The following CELF2 variants were observed in gnomAD, a reference collection of about 807,000 sequenced individuals.
CELF2 encodes CUG triplet repeat RNA-binding protein 2.
In CELF2, 8 loss-of-function variants were observed where a neutral mutation model predicts 62.6. The ratio of observed to expected loss-of-function variants is 0.13; its 90% CI spans 0.07 to 0.23. The LOEUF is 0.23. Among genes scored for constraint, CELF2 ranks in the 10% least tolerant of loss-of-function variants. The pLI is 1.00. For missense variants in CELF2, 333 were observed against 671.0 expected (o/e 0.50, Z 5.56); for synonymous variants, 258 against 250.0 (o/e 1.03, Z -0.30).
At chr10:10,548,790 T>G in the CELF2 span, among the ~76,000 whole-genome samples, 6 of 152,304 alleles carry the variant, frequency 3.9e-5, no homozygotes, top group African/African-American at 1.4e-4. Context: ...AAAAGGATGT[T>G]TAGGGTGAGA....
chr10:10,727,511 T>G, the CELF2 span, among the ~76,000 whole-genome samples: 1 of 152,048 alleles, frequency 6.6e-6, no homozygotes, highest in Non-Finnish European at 1.5e-5. Context: ...GCGCGGTGGC[T>G]CATGCCTGTA....
intron 1 of CELF2, among the ~76,000 whole-genome samples, chr10:10,799,521 A>G (rs2054432398): frequency 1.3e-5 from 2 of 152,082 alleles, no homozygotes. Flanking sequence ...GGAAAAGCGA[A>G]CTTTTCCAGA....
chr10:11,086,796 T>C (rs1000473066), intron 1 of CELF2, among the ~76,000 whole-genome samples: 11 of 152,276 alleles, frequency 7.2e-5, no homozygotes, highest in Middle Eastern at 3.4e-3. Flanking sequence ...GCTTCCTGCA[T>C]GGTTAGACCA....
chr10:10,657,791 TG>T, the CELF2 span, among the ~76,000 whole-genome samples: 1 of 152,196 alleles, frequency 6.6e-6, no homozygotes, highest in South Asian at 2.1e-4. Flanking sequence ...TAAGTTCAGT[TG>T]GGGATACAAG....
chr10:10,789,224 T>A, the CELF2 span, among the ~76,000 whole-genome samples: 1 of 152,182 alleles, frequency 6.6e-6, no homozygotes, highest in East Asian at 1.9e-4. Context: ...GCAGTCCTGG[T>A]AGCAATACAA....
At chr10:10,813,580 A>G (rs965502692) in intron 1 of CELF2, among the ~76,000 whole-genome samples, 1 of 152,198 alleles carries the variant, frequency 6.6e-6, no homozygotes, top group African/African-American at 2.4e-5. Flanking sequence ...CTTGGCTGCC[A>G]TTATTATTGT....
intron 1 of CELF2, among the ~76,000 whole-genome samples, chr10:11,038,355 T>C (rs991473982): frequency 2.6e-5 from 4 of 152,152 alleles, no homozygotes; most frequent in African/African-American, 9.7e-5. Context: ...GCATCTAAAG[T>C]GGTTTGCGCT....
At chr10:11,225,139 C>A (rs1410461039) in intron 3 of CELF2, among the ~76,000 whole-genome samples, 1 of 152,056 alleles carries the variant, frequency 6.6e-6, no homozygotes, top group Non-Finnish European at 1.5e-5. Flanking sequence ...ATTTCAGGCC[C>A]GTACCCTCAC....
chr10:10,702,657 G>A, the CELF2 span, among the ~76,000 whole-genome samples: 6 of 152,228 alleles, frequency 3.9e-5, no homozygotes, highest in South Asian at 2.1e-4. Flanking sequence ...CAATCCTGGC[G>A]CACTGCAACT....
At chr10:10,548,659 T>C in the CELF2 span, among the ~76,000 whole-genome samples, 1 of 152,252 alleles carries the variant, frequency 6.6e-6, no homozygotes, top group Non-Finnish European at 1.5e-5. Flanking sequence ...TTCTTTTTTT[T>C]AGAAAATGCT....
the CELF2 span, among the ~76,000 whole-genome samples, chr10:10,537,020 T>G: frequency 6.6e-6 from 1 of 152,278 alleles, no homozygotes; most frequent in South Asian, 2.1e-4. Flanking sequence ...CACTTGCTGC[T>G]GCTGCTGCTG....
At chr10:11,185,927 T>A (rs1474069567) in intron 2 of CELF2, among the ~76,000 whole-genome samples, 1 of 152,230 alleles carries the variant, frequency 6.6e-6, no homozygotes, top group Non-Finnish European at 1.5e-5. Flanking sequence ...ATTTCTTTAG[T>A]TGTTTGGTAG....
chr10:11,326,707 G>A (rs892716204), intron 12 of CELF2, among the ~76,000 whole-genome samples: 2 of 152,082 alleles, frequency 1.3e-5, no homozygotes, highest in Non-Finnish European at 2.9e-5. Context: ...AACCCTATTG[G>A]CCCCCAAAGC....
chr10:10,778,566 G>A, the CELF2 span, among the ~76,000 whole-genome samples: 1 of 152,212 alleles, frequency 6.6e-6, no homozygotes, highest in Non-Finnish European at 1.5e-5. Context: ...ACTGAGATTT[G>A]TATTGCCCTT....
chr10:10,633,225 A>C, the CELF2 span, among the ~76,000 whole-genome samples: 1 of 152,236 alleles, frequency 6.6e-6, no homozygotes, highest in Admixed American at 6.5e-5. Flanking sequence ...AATAGTTTGA[A>C]TAATATGGAC....
At chr10:11,047,378 C>T (rs1423250849) in intron 1 of CELF2, among the ~76,000 whole-genome samples, 1 of 152,146 alleles carries the variant, frequency 6.6e-6, no homozygotes, top group Non-Finnish European at 1.5e-5. Context: ...AGAACGCAAG[C>T]TTAGTGAACT....
intron 1 of CELF2, among the ~76,000 whole-genome samples, chr10:11,083,314 G>A (rs563584958): frequency 5.3e-5 from 8 of 152,332 alleles, no homozygotes; most frequent in Non-Finnish European, 7.4e-5. Flanking sequence ...GGAAACAAAT[G>A]TGTATTTCAG....
chr10:10,663,039 A>T, the CELF2 span, among the ~76,000 whole-genome samples: 1 of 152,170 alleles, frequency 6.6e-6, no homozygotes, highest in South Asian at 2.1e-4. Flanking sequence ...TGGAAAGGAG[A>T]GCTGTTATTG....
the CELF2 span, among the ~76,000 whole-genome samples, chr10:10,555,576 C>G: frequency 6.6e-6 from 1 of 152,122 alleles, no homozygotes; most frequent in African/African-American, 2.4e-5. Context: ...TAAACATAAC[C>G]TATACATTAA....
Sources: gnomAD v4.1 joint callset for allele counts (sites outside exome capture counted in the v4.1 genomes callset) on GRCh38, gnomAD v4.1.1 for gene constraint, MANE v1.5 for transcripts, NCBI Gene and HGNC (gene_info 2026-07-23, HGNC 2026-07-21) for gene names.